The following CNTNAP5 variants were observed in gnomAD, a reference collection of about 807,000 sequenced individuals.
CNTNAP5 encodes the protein contactin-associated protein-like 5.
Under a neutral mutation model 150.2 loss-of-function variants are expected in CNTNAP5, and 72 were observed. The observed-to-expected ratio is 0.48, with a 90% CI of 0.40 to 0.58. The LOEUF (loss-of-function observed/expected upper bound fraction) is 0.58. Among genes scored for constraint, CNTNAP5 ranks in the 20% least tolerant of loss-of-function variants. The probability of loss-of-function intolerance (pLI) is 0.00; values close to 1 mark genes in which losing one functional copy is unlikely to be tolerated. For synonymous variants in CNTNAP5, 672 were observed against 619.8 expected, an observed-to-expected ratio of 1.08 and a Z score of -1.25; for missense variants, 1,636 against 1,626.2, an observed-to-expected ratio of 1.01 and a Z score of -0.10.
chr2:124,514,396 T>C (rs1159434285), intron 8 of CNTNAP5, among the ~76,000 whole-genome samples: 1 of 152,196 alleles, frequency 6.6e-6, no homozygotes, highest in African/African-American at 2.4e-5. Flanking sequence ...TTTTTTTTTA[T>C]CATAGATTAA....
intron 1 of CNTNAP5, among the ~76,000 whole-genome samples, chr2:124,135,765 C>T (rs982929199): frequency 6.6e-6 from 1 of 152,144 alleles, no homozygotes; most frequent in Non-Finnish European, 1.5e-5. Context: ...TTCGTTTGTT[C>T]ATTTGGGGTT....
intron 11 of CNTNAP5, among the ~76,000 whole-genome samples, chr2:124,591,578 T>C (rs1390880667): frequency 1.3e-5 from 2 of 152,148 alleles, no homozygotes; most frequent in East Asian, 3.9e-4. Flanking sequence ...GATTTAGTCT[T>C]GATGAACATA....
At chr2:124,687,778 T>C (rs766949835) in intron 13 of CNTNAP5, among the ~76,000 whole-genome samples, 72 of 152,242 alleles carry the variant, frequency 4.7e-4, no homozygotes, top group Non-Finnish European at 9.3e-4. Context: ...TATAGAATAA[T>C]CATTTGTAAT....
At chr2:124,564,022 TA>T (rs1470969130) in intron 11 of CNTNAP5, among the ~76,000 whole-genome samples, 3 of 152,318 alleles carry the variant, frequency 2.0e-5, no homozygotes, top group African/African-American at 7.2e-5. Flanking sequence ...TGAAAAGTGC[TA>T]ATGACTGCCT....
intron 19 of CNTNAP5, among the ~76,000 whole-genome samples, chr2:124,855,679 T>G (rs1677357119): frequency 6.6e-6 from 1 of 152,202 alleles, no homozygotes. Context: ...TATTTGAACT[T>G]TTAAATTTAA....
chr2:124,897,703 T>C (rs1407851131), intron 21 of CNTNAP5, among the ~76,000 whole-genome samples: 2 of 151,148 alleles, frequency 1.3e-5, no homozygotes, highest in Admixed American at 6.6e-5. Flanking sequence ...CATAGCATAA[T>C]AGAAAAAAAA....
At chr2:124,809,559 A>G (rs1013332806) in intron 19 of CNTNAP5, among the ~76,000 whole-genome samples, 2 of 148,032 alleles carry the variant, frequency 1.4e-5, no homozygotes, top group Non-Finnish European at 3.0e-5. Context: ...GCTGCAAGCC[A>G]CTCTGCCCGG....
Position 124,474,738 on chromosome 2 carries a change from G to T in CNTNAP5, c.919-1G>T. The T allele has an allele frequency of 2.6e-6, 4 of 1,559,302 alleles. No individual in the cohort carries two copies. Among genetic ancestry groups the T allele is most frequent in the Non-Finnish European group, 3.5e-6 (4 of 1,158,390 alleles). On this transcript the variant is annotated splice_acceptor_variant, in intron 6 of 23. Transcript: ENST00000682447. LOFTEE classifies it high-confidence loss of function. ...GTTTGTTTCTATTTTCACCCCAAAA[G>T]CTTAGTTTTGGAGGAATTCCAGTAC...
chr2:124,620,083 T>C (rs1677580118), intron 12 of CNTNAP5, among the ~76,000 whole-genome samples: 1 of 151,838 alleles, frequency 6.6e-6, no homozygotes, highest in Admixed American at 6.6e-5. Context: ...TATAATGCAG[T>C]GTTTACCTAT....
intron 10 of CNTNAP5, among the ~76,000 whole-genome samples, chr2:124,547,431 G>T (rs1010184554): frequency 6.6e-6 from 1 of 152,198 alleles, no homozygotes; most frequent in African/African-American, 2.4e-5. Flanking sequence ...TCCCGGGATA[G>T]AACTTAAATT....
intron 1 of CNTNAP5, among the ~76,000 whole-genome samples, chr2:124,158,557 C>A (rs1325204602): frequency 6.6e-6 from 1 of 152,118 alleles, no homozygotes; most frequent in Non-Finnish European, 1.5e-5. Context: ...TTTCAATTTG[C>A]AATTGGTTGA....
chr2:124,138,933 C>T (rs1463838927), intron 1 of CNTNAP5, among the ~76,000 whole-genome samples: 2 of 151,916 alleles, frequency 1.3e-5, no homozygotes, highest in African/African-American at 4.8e-5. Context: ...GCATAATAAA[C>T]GTTTCCTCTC....
chr2:124,799,233 C>T (rs758154513), intron 19 of CNTNAP5, among the ~76,000 whole-genome samples: 6 of 151,934 alleles, frequency 3.9e-5, no homozygotes, highest in East Asian at 1.9e-4. Flanking sequence ...AAATGTAATA[C>T]GAGAAGTTGA....
chr2:124,595,088 G>A lies in CNTNAP5; in HGVS notation c.1757-14713G>A, dbSNP rs991729853. On this transcript the variant is annotated intron_variant, in intron 11 of 23. Transcript: ENST00000682447. Reference sequence around the variant, plus strand: ...AACAATCATGTCGTCTGCAAACAAGGACAATTTGACTTCCTCTTTTCCTAA... The same window carrying A: ...AACAATCATGTCGTCTGCAAACAAGAACAATTTGACTTCCTCTTTTCCTAA... Among the ~76,000 whole-genome samples, 138 of 148,868 alleles carry A rather than the reference G, an allele frequency of 9.3e-4. 1 individual carries two copies. The highest frequency in any genetic ancestry group is 3.2e-3 in the African/African-American group (130 of 40,610).
chr2:124,483,769 T>C (rs916380493), intron 7 of CNTNAP5, among the ~76,000 whole-genome samples: 4 of 152,228 alleles, frequency 2.6e-5, no homozygotes, highest in Non-Finnish European at 4.4e-5. Flanking sequence ...AAATGATCCT[T>C]CTTTTCAAAG....
At chr2:124,119,980 G>T (rs1001283894) in intron 1 of CNTNAP5, among the ~76,000 whole-genome samples, 13 of 152,136 alleles carry the variant, frequency 8.5e-5, no homozygotes, top group African/African-American at 1.4e-4. Flanking sequence ...TTATGACTGG[G>T]TTCCACCTCA....
chr2:124,215,712 CAAAAAAA>C (rs397985759), intron 1 of CNTNAP5, among the ~76,000 whole-genome samples: 63 of 82,072 alleles, frequency 7.7e-4, no homozygotes, highest in African/African-American at 2.4e-3. Flanking sequence ...AGAAGAAAGG[CAAAAAAA>C]AAAAAAAAAA....
chr2:124,618,274 A>T (rs1310578644), intron 12 of CNTNAP5, among the ~76,000 whole-genome samples: 2 of 152,172 alleles, frequency 1.3e-5, no homozygotes, highest in Non-Finnish European at 2.9e-5. Context: ...TTAAAAAAAA[A>T]GATGAGCAAC....
At chr2:124,550,584 G>C (rs1695606544) in intron 10 of CNTNAP5, among the ~76,000 whole-genome samples, 1 of 152,192 alleles carries the variant, frequency 6.6e-6, no homozygotes, top group African/African-American at 2.4e-5. Context: ...ACAAAAGCCT[G>C]TGAGTGCAGG....
Sources: gnomAD v4.1 joint callset for allele counts (sites outside exome capture counted in the v4.1 genomes callset) on GRCh38, gnomAD v4.1.1 for gene constraint, MANE v1.5 for transcripts, NCBI Gene and HGNC (gene_info 2026-07-23, HGNC 2026-07-21) for gene names.